Variants in KCNAB1 observed in about 807,000 individuals in gnomAD.
KCNAB1 encodes the protein voltage-gated potassium channel subunit beta-1.
In KCNAB1, 35 loss-of-function variants were observed where a neutral mutation model predicts 64.6. The observed-to-expected ratio is 0.54, with a 90% CI of 0.41 to 0.72. KCNAB1 has a LOEUF of 0.72. Ranked by LOEUF, KCNAB1 falls within the 30% of genes least tolerant of loss-of-function variation. The probability of loss-of-function intolerance (pLI) is 0.00; values close to 1 mark genes in which losing one functional copy is unlikely to be tolerated. For missense variants in KCNAB1, 401 were observed against 512.9 expected, an observed-to-expected ratio of 0.78 and a Z score of 2.11; for synonymous variants, 177 against 183.8, an observed-to-expected ratio of 0.96 and a Z score of 0.30.
At chr3:156,344,103 T>C (rs1173400666) in intron 1 of KCNAB1, among the ~76,000 whole-genome samples, 1 of 152,194 alleles carries the variant, frequency 6.6e-6, no homozygotes, top group Non-Finnish European at 1.5e-5. Context: ...GAGCCTGCCT[T>C]GGCCACAGAT....
intron 1 of KCNAB1, among the ~76,000 whole-genome samples, chr3:156,317,814 A>G (rs1722378629): frequency 6.6e-6 from 1 of 152,150 alleles, no homozygotes; most frequent in African/African-American, 2.4e-5. Flanking sequence ...CTGCACCCAC[A>G]TGTCTTCTTG....
chr3:156,405,670 A>G (rs1438560331), intron 1 of KCNAB1, among the ~76,000 whole-genome samples: 4 of 152,092 alleles, frequency 2.6e-5, no homozygotes, highest in South Asian at 2.1e-4. Flanking sequence ...TCATACTAAA[A>G]CCAAATTTTT....
At chr3:156,238,445 G>C (rs1032047998) in intron 1 of KCNAB1, among the ~76,000 whole-genome samples, 1 of 147,682 alleles carries the variant, frequency 6.8e-6, no homozygotes, top group East Asian at 2.0e-4. Context: ...AAAAAAAAGG[G>C]TTCCCTTTTA....
At position 156,437,676 on chromosome 3, in the gene KCNAB1, C is replaced by T. The variant is rs572842107; in HGVS notation, c.320-15223C>T. On this transcript the variant is annotated intron_variant, in intron 2 of 13. Transcript: ENST00000490337. ...AAGCTTCTTTTGCTACAGTCATTTG[C>T]TGCCACTGGGATTTTTGCAGAAGGT... is the stretch of plus-strand genomic sequence containing the variant. Among the ~76,000 whole-genome samples the T allele has an allele frequency of 5.0e-4, 76 of 152,238 alleles. 1 individual carries two copies. The South Asian group carries it at 6.2e-3, about 12-fold the overall frequency.
chr3:156,358,954 T>C (rs1725431380), intron 1 of KCNAB1, among the ~76,000 whole-genome samples: 1 of 152,222 alleles, frequency 6.6e-6, no homozygotes, highest in Admixed American at 6.5e-5. Flanking sequence ...ATATATAAAA[T>C]ATGAATATTT....
chr3:156,421,590 C>T, intron 1 of KCNAB1, 26 bp from the exon 2 acceptor site: 2 of 1,611,958 alleles, frequency 1.2e-6, no homozygotes, highest in Non-Finnish European at 1.7e-6. Context: ...AAATGATGAC[C>T]AAGTGTTGCT....
intron 1 of KCNAB1, among the ~76,000 whole-genome samples, chr3:156,166,528 T>TACACACAC (rs199726612): frequency 2.1e-5 from 3 of 145,076 alleles, no homozygotes; most frequent in South Asian, 2.2e-4. Flanking sequence ...AAAATACATA[T>TACACACAC]ATACACACAC....
At chr3:156,313,223 T>A (rs1243764371) in intron 1 of KCNAB1, among the ~76,000 whole-genome samples, 1 of 152,216 alleles carries the variant, frequency 6.6e-6, no homozygotes, top group African/African-American at 2.4e-5. Flanking sequence ...ACATATTTGC[T>A]GGATTCAATA....
At chr3:156,278,391 C>T (rs1347666669) in intron 1 of KCNAB1, among the ~76,000 whole-genome samples, 1 of 152,138 alleles carries the variant, frequency 6.6e-6, no homozygotes, top group Admixed American at 6.5e-5. Context: ...TTATGTAACT[C>T]CACCTATAGA....
intron 8 of KCNAB1, among the ~76,000 whole-genome samples, chr3:156,483,897 A>T (rs568314851): frequency 6.6e-6 from 1 of 152,296 alleles, no homozygotes; most frequent in African/African-American, 2.4e-5. Context: ...GCTTTAGAGA[A>T]ATTACCTTTA....
chr3:156,345,498 C>G lies in KCNAB1; in HGVS notation c.276-76118C>G, dbSNP rs79121075. Among the ~76,000 whole-genome samples the G allele has an allele frequency of 2.3e-4, 35 of 152,276 alleles. 1 individual carries two copies. The highest frequency in any genetic ancestry group is 8.4e-4 in the African/African-American group (35 of 41,538). On this transcript the variant is annotated intron_variant, in intron 1 of 13. Transcript: ENST00000490337. The stretch of plus-strand genomic sequence containing the variant: ...AGTTTGAGGGTGTTCCATTTGAGAA[C>G]CTTGGATTCAAGGCAATGAGAATGA...
chr3:156,452,865 G>C lies in KCNAB1; in HGVS notation c.320-34G>C. The C allele has an allele frequency of 6.7e-7, 1 of 1,491,280 alleles. No homozygotes were observed. Among genetic ancestry groups the C allele is most frequent in the South Asian group, 1.2e-5 (1 of 84,078 alleles). The allele number at this position is 1,491,280 out of a possible 1,614,324, so 92.4% of individuals were successfully genotyped here. ...TTACGCACAATATTAGAAAAATGAT[G>C]ATGAATAATATGCAAATATTTATTA... On this transcript the variant is annotated intron_variant, in intron 2 of 13. Coordinates refer to ENST00000490337, the MANE Select transcript of KCNAB1 (RefSeq NM_172160.3). This position sits in a 1 kb window ranked among gnomAD's most constrained non-coding sequence, Gnocchi z 4.6.
intron 1 of KCNAB1, among the ~76,000 whole-genome samples, chr3:156,287,581 C>T (rs2107962332): frequency 6.6e-6 from 1 of 152,194 alleles, no homozygotes; most frequent in Admixed American, 6.5e-5. Flanking sequence ...CCTATAATCC[C>T]CGTACTGTGG....
At chr3:156,258,384 A>G (rs1028641861) in intron 1 of KCNAB1, among the ~76,000 whole-genome samples, 8 of 152,140 alleles carry the variant, frequency 5.3e-5, no homozygotes, top group African/African-American at 1.9e-4. Flanking sequence ...AGAAAAGCAA[A>G]TCCTCTTTTT....
intron 1 of KCNAB1, among the ~76,000 whole-genome samples, chr3:156,359,314 CT>C (rs1426616381): frequency 6.6e-6 from 1 of 152,122 alleles, no homozygotes; most frequent in Non-Finnish European, 1.5e-5. Context: ...TCACCAGCAC[CT>C]TATGATATGA....
chr3:156,427,656 T>A (rs567285541), intron 2 of KCNAB1, among the ~76,000 whole-genome samples: 4 of 152,282 alleles, frequency 2.6e-5, no homozygotes, highest in Admixed American at 6.5e-5. Flanking sequence ...GTTCTTTGAC[T>A]TCCTCCAGTG....
intron 1 of KCNAB1, among the ~76,000 whole-genome samples, chr3:156,196,041 G>A (rs1004952556): frequency 1.3e-5 from 2 of 152,096 alleles, no homozygotes; most frequent in African/African-American, 4.8e-5. Flanking sequence ...TATTAAATAG[G>A]GAATCCTTTC....
chr3:156,345,437 A>G (rs980106725), intron 1 of KCNAB1, among the ~76,000 whole-genome samples: 29 of 152,354 alleles, frequency 1.9e-4, no homozygotes, highest in Admixed American at 8.5e-4. Context: ...CTCCGAGGTT[A>G]ACATTGTATT....
chr3:156,157,847 T>A (rs1297983515), intron 1 of KCNAB1, among the ~76,000 whole-genome samples: 1 of 151,986 alleles, frequency 6.6e-6, no homozygotes, highest in African/African-American at 2.4e-5. Flanking sequence ...AGGTGGATTA[T>A]TTTTTTTCCT....
Sources: allele counts gnomAD v4.1 joint callset (sites outside exome capture counted in the v4.1 genomes callset), GRCh38; gene constraint gnomAD v4.1.1; non-coding constraint Gnocchi (gnomAD v3.1); transcripts MANE v1.5; gene names NCBI Gene and HGNC (gene_info 2026-07-23, HGNC 2026-07-21).